Variants in THSD4 observed in about 807,000 individuals in gnomAD.
The protein encoded by THSD4 is thrombospondin type 1 domain containing 4.
A neutral mutation model predicts 119.0 loss-of-function variants in THSD4; 69 were observed. The observed-to-expected ratio is 0.58, with a 90% CI of 0.48 to 0.71. THSD4 has a LOEUF of 0.71. THSD4 is among the 30% of genes least tolerant of loss of function. The pLI, the probability that THSD4 is intolerant of heterozygous loss-of-function variation, is 0.00. For missense variants in THSD4, 1,393 were observed against 1,391.1 expected (o/e 1.00, Z -0.02); for synonymous variants, 524 against 540.4 (o/e 0.97, Z 0.42).
rs183290288 is a variant in THSD4, at chr15:71,377,854, C to T, written c.1016-33833C>T. Among the ~76,000 whole-genome samples, 64 of 114,700 alleles carry T rather than the reference C, an allele frequency of 5.6e-4. 1 individual carries two copies. Among genetic ancestry groups the T allele is most frequent in the Admixed American group, 2.6e-3 (26 of 9,860 alleles). 75.2% of individuals were successfully genotyped at this position (114,700 alleles called of 152,430 possible). On this transcript the variant is annotated intron_variant, in intron 6 of 17. Coordinates refer to ENST00000261862, the MANE Select transcript of THSD4 (RefSeq NM_024817.3). ...ACACTCTTGCCTTCTTCTCTATTCC[C>T]GGACATATCCACAACACACACACAC...
At chr15:71,187,587 C>T (rs1417751474) in intron 3 of THSD4, 1 of 152,662 alleles carries the variant, frequency 6.6e-6, no homozygotes, top group Non-Finnish European at 1.5e-5. Context: ...TTTGAAAGGA[C>T]CGTGGCTGTG....
intron 7 of THSD4, among the ~76,000 whole-genome samples, chr15:71,446,124 A>T (rs570974157): frequency 6.6e-5 from 10 of 152,228 alleles, no homozygotes; most frequent in Admixed American, 6.5e-4. Context: ...ATAAATGTCA[A>T]TATCAATTCC....
At chr15:71,680,704 A>C (rs1369083462) in intron 8 of THSD4, among the ~76,000 whole-genome samples, 1 of 152,010 alleles carries the variant, frequency 6.6e-6, no homozygotes, top group Non-Finnish European at 1.5e-5. Flanking sequence ...TAAGAGTTCT[A>C]CTCTCAGCCA....
chr15:71,781,361 G>A lies in THSD4; in HGVS notation c.*3987G>A, dbSNP rs2053995877. The stretch of plus-strand genomic sequence containing the variant: ...AGAATTTCAGTTGACTAAGCTCAGT[G>A]TGAGTCAAAGTGGGATGGAACCATG... On this transcript the variant is annotated 3_prime_UTR_variant, in exon 18 of 18. Coordinates refer to ENST00000261862, the MANE Select transcript of THSD4 (RefSeq NM_024817.3). 1 of 153,364 alleles carries A rather than the reference G, an allele frequency of 6.5e-6. No individual in the cohort carries two copies. 9.5% of individuals were successfully genotyped at this position (153,364 alleles called of 1,614,324 possible). A position where few individuals can be genotyped will look rare whatever the true frequency, so the allele number is the denominator to read the frequency against.
intron 7 of THSD4, among the ~76,000 whole-genome samples, chr15:71,540,807 C>T (rs1190777464): frequency 6.8e-6 from 1 of 146,304 alleles, no homozygotes; most frequent in Non-Finnish European, 1.5e-5. Flanking sequence ...ACTGCAACCT[C>T]TAACTCCTGG....
chr15:71,174,551 G>T (rs1389142597), intron 3 of THSD4, among the ~76,000 whole-genome samples: 2 of 64 alleles, frequency 0.031, no homozygotes, highest in African/African-American at 0.037. Context: ...GCGGCAACGA[G>T]GCTGGGGGGA....
chr15:71,318,062 CT>C (rs1400214832), intron 6 of THSD4, among the ~76,000 whole-genome samples: 1 of 152,082 alleles, frequency 6.6e-6, no homozygotes, highest in African/African-American at 2.4e-5. Flanking sequence ...CTACCAGTGG[CT>C]TTTGGGGGGC....
intron 7 of THSD4, among the ~76,000 whole-genome samples, chr15:71,451,103 G>A (rs912055639): frequency 5.3e-5 from 8 of 152,100 alleles, no homozygotes; most frequent in East Asian, 1.9e-4. Context: ...ACTTAAACCC[G>A]GGAGGCAGAG....
chr15:71,480,177 C>T lies in THSD4; in HGVS notation c.1152+68354C>T, dbSNP rs189902699. On this transcript the variant is annotated intron_variant, in intron 7 of 17. Transcript: ENST00000261862. ...CAAGCCTCCCAAGTAGCTGGGACCA[C>T]AGGCACATGCCAGGATGCCTGGCTA... 3.4e-3 allele frequency among the ~76,000 whole-genome samples: 517 copies of T among 152,320 alleles called. 4 individuals carry two copies. Among genetic ancestry groups the T allele is most frequent in the African/African-American group, 0.012 (500 of 41,574 alleles).
At chr15:71,765,800 G>C (rs2140232453) in intron 16 of THSD4, among the ~76,000 whole-genome samples, 1 of 151,864 alleles carries the variant, frequency 6.6e-6, no homozygotes, top group South Asian at 2.1e-4. Flanking sequence ...CTGTGTGTGT[G>C]TGTGTGTGTG....
At chr15:71,503,824 C>G (rs1441145053) in intron 7 of THSD4, among the ~76,000 whole-genome samples, 1 of 152,288 alleles carries the variant, frequency 6.6e-6, no homozygotes, top group Non-Finnish European at 1.5e-5. Context: ...ATAGTAAAGT[C>G]AAAAGAGGCA....
chr15:71,184,996 C>A (rs2043584440), intron 3 of THSD4, among the ~76,000 whole-genome samples: 1 of 151,760 alleles, frequency 6.6e-6, no homozygotes, highest in Non-Finnish European at 1.5e-5. Flanking sequence ...TGAGCTTCTG[C>A]TAACTGATAA....
chr15:71,430,759 GAA>G (rs397719477), intron 7 of THSD4, among the ~76,000 whole-genome samples: 2 of 82,958 alleles, frequency 2.4e-5, no homozygotes, highest in African/African-American at 9.6e-5. Flanking sequence ...TCTGTCTCAA[GAA>G]AAAAAAAAAA....
chr15:71,709,957 C>T (rs975135265), intron 8 of THSD4, among the ~76,000 whole-genome samples: 5 of 152,082 alleles, frequency 3.3e-5, no homozygotes, highest in South Asian at 2.1e-4. Flanking sequence ...CTAGTCAAGA[C>T]GGGGTGAGCG....
rs1403001889 is a variant in THSD4, at chr15:71,442,658, G to GTGTGTGTA, written c.1152+30838_1152+30839insGTGTATGT. Among the ~76,000 whole-genome samples the GTGTGTGTA allele has an allele frequency of 1.7e-3, 54 of 31,338 alleles. 2 individuals carry two copies. The highest frequency in any genetic ancestry group is 5.3e-3 in the African/African-American group (54 of 10,108). The allele number at this position is 31,338 out of a possible 152,430, so 20.6% of individuals were successfully genotyped here. A position where few individuals can be genotyped will look rare whatever the true frequency, so the allele number is the denominator to read the frequency against. On this transcript the variant is annotated intron_variant, in intron 7 of 17. Coordinates refer to ENST00000261862, the MANE Select transcript of THSD4 (RefSeq NM_024817.3). ...TGTGTGTGTATATGTGTGTGTGTGT[G>GTGTGTGTA]TGTATATATATATATATATATATAT... is the stretch of plus-strand genomic sequence containing the variant.
chr15:71,297,829 T>C (rs1052332044), intron 6 of THSD4, among the ~76,000 whole-genome samples: 49 of 152,084 alleles, frequency 3.2e-4, no homozygotes, highest in African/African-American at 1.2e-3. Context: ...GTTTTGAGAG[T>C]TTTTTTGTGT....
chr15:71,768,722 G>A (rs1217536150), intron 16 of THSD4, among the ~76,000 whole-genome samples: 3 of 150,848 alleles, frequency 2.0e-5, no homozygotes, highest in Non-Finnish European at 3.0e-5. Flanking sequence ...CCACCACCAT[G>A]CACGGCTAAT....
chr15:71,286,268 C>T (rs2044717209), intron 6 of THSD4, among the ~76,000 whole-genome samples: 1 of 152,128 alleles, frequency 6.6e-6, no homozygotes, highest in African/African-American at 2.4e-5. Context: ...AGGTATTAAG[C>T]CTAGGATCCA....
intron 7 of THSD4, among the ~76,000 whole-genome samples, chr15:71,600,756 T>C (rs916192505): frequency 6.6e-5 from 10 of 151,788 alleles, no homozygotes; most frequent in Non-Finnish European, 1.3e-4. Flanking sequence ...TTCTTTTTTT[T>C]TTTGAGACAG....
Sources: allele counts gnomAD v4.1 joint callset (sites outside exome capture counted in the v4.1 genomes callset), GRCh38; gene constraint gnomAD v4.1.1; transcripts MANE v1.5; gene names NCBI Gene and HGNC (gene_info 2026-07-23, HGNC 2026-07-21).